MAF: variants seen among roughly 807,000 people sequenced by gnomAD.
MAF encodes MAF bZIP transcription factor, also known as transcription factor Maf.
MAF carries 10 observed loss-of-function variants against 22.0 expected under a neutral mutation model. The ratio of observed to expected loss-of-function variants is 0.45; its 90% CI spans 0.28 to 0.77. MAF has a LOEUF of 0.77. Among genes scored for constraint, MAF ranks in the 30% least tolerant of loss-of-function variants. The pLI, the probability that MAF is intolerant of heterozygous loss-of-function variation, is 0.12. For missense variants in MAF, 544 were observed against 548.4 expected (o/e 0.99, Z 0.08); for synonymous variants, 337 against 255.8 (o/e 1.32, Z -3.03).
At chr16:79,558,034 A>T in the MAF span, among the ~76,000 whole-genome samples, 1 of 151,840 alleles carries the variant, frequency 6.6e-6, no homozygotes, top group South Asian at 2.1e-4. Context: ...TCTCTCATGC[A>T]CCTTCACATT....
At chr16:79,531,604 G>C in the MAF span, among the ~76,000 whole-genome samples, 1 of 152,100 alleles carries the variant, frequency 6.6e-6, no homozygotes, top group African/African-American at 2.4e-5. Context: ...ATTCTCATAA[G>C]GAGGGCACAA....
the MAF span, among the ~76,000 whole-genome samples, chr16:79,488,511 G>T: frequency 6.6e-6 from 1 of 152,142 alleles, no homozygotes; most frequent in Non-Finnish European, 1.5e-5. Flanking sequence ...CCAACACCCA[G>T]GTTTACTCTG....
chr16:79,535,282 C>T, the MAF span, among the ~76,000 whole-genome samples: 2 of 151,954 alleles, frequency 1.3e-5, no homozygotes, highest in East Asian at 2.0e-4. Context: ...GATGGCGCCT[C>T]GGTTTTCTGA....
At chr16:79,335,100 G>T in the MAF span, among the ~76,000 whole-genome samples, 1 of 150,922 alleles carries the variant, frequency 6.6e-6, no homozygotes, top group Admixed American at 6.6e-5. Context: ...CAGGAGAATT[G>T]CTTGAAACTG....
the MAF span, among the ~76,000 whole-genome samples, chr16:79,549,037 C>G: frequency 6.6e-6 from 1 of 152,270 alleles, no homozygotes; most frequent in East Asian, 1.9e-4. Flanking sequence ...AAACACTGTT[C>G]CAGCCTGGTT....
chr16:79,514,116 A>C, the MAF span, among the ~76,000 whole-genome samples: 3 of 152,252 alleles, frequency 2.0e-5, no homozygotes, highest in African/African-American at 4.8e-5. Flanking sequence ...GATAAATCAC[A>C]GTCAAGCTTT....
the MAF span, among the ~76,000 whole-genome samples, chr16:79,295,222 G>A: frequency 6.6e-6 from 1 of 152,174 alleles, no homozygotes; most frequent in Non-Finnish European, 1.5e-5. Flanking sequence ...CTTTGGAGCT[G>A]TTTACACACC....
the MAF span, among the ~76,000 whole-genome samples, chr16:79,574,783 T>G: frequency 6.6e-6 from 1 of 152,152 alleles, no homozygotes; most frequent in Non-Finnish European, 1.5e-5. Context: ...TTATAAAGAA[T>G]AGCATTGATG....
the MAF span, among the ~76,000 whole-genome samples, chr16:79,309,925 T>C: frequency 1.3e-5 from 2 of 152,242 alleles, no homozygotes; most frequent in East Asian, 3.9e-4. Context: ...ACTTAGAAAA[T>C]TGACTAATGC....
the MAF span, among the ~76,000 whole-genome samples, chr16:79,350,902 T>TGCGC: frequency 1.4e-5 from 2 of 147,844 alleles, no homozygotes; most frequent in African/African-American, 2.6e-5. Context: ...TGTGTGTGTG[T>TGCGC]GCGTGTGAAT....
At chr16:79,447,053 G>C in the MAF span, among the ~76,000 whole-genome samples, 44 of 144,310 alleles carry the variant, frequency 3.0e-4, no homozygotes, top group South Asian at 0.011. Context: ...GATGTATGCA[G>C]TGTTATCACT....
At chr16:79,500,818 C>G in the MAF span, among the ~76,000 whole-genome samples, 1 of 152,170 alleles carries the variant, frequency 6.6e-6, no homozygotes, top group Non-Finnish European at 1.5e-5. Flanking sequence ...GTCTGCCTCT[C>G]ACTTACTGGA....
the MAF span, among the ~76,000 whole-genome samples, chr16:79,368,032 G>A: frequency 6.6e-5 from 10 of 152,148 alleles, no homozygotes; most frequent in Admixed American, 1.3e-4. Flanking sequence ...GAAAGATCCT[G>A]GCTGAACAGC....
At chr16:79,403,275 G>C in the MAF span, among the ~76,000 whole-genome samples, 1 of 152,286 alleles carries the variant, frequency 6.6e-6, no homozygotes, top group East Asian at 1.9e-4. Context: ...ATTTTCTGTA[G>C]CTAAAAGAAG....
chr16:79,536,120 T>C, the MAF span, among the ~76,000 whole-genome samples: 2 of 152,208 alleles, frequency 1.3e-5, no homozygotes, highest in Non-Finnish European at 2.9e-5. Flanking sequence ...ATGATCCTAG[T>C]GCTATACTCA....
the MAF span, among the ~76,000 whole-genome samples, chr16:79,289,170 A>C: frequency 2.6e-5 from 4 of 152,134 alleles, no homozygotes; most frequent in East Asian, 7.7e-4. Context: ...GATTGTGGAG[A>C]AACACTGTAG....
chr16:79,551,122 T>C, the MAF span, among the ~76,000 whole-genome samples: 34 of 152,190 alleles, frequency 2.2e-4, no homozygotes, highest in Admixed American at 8.5e-4. Flanking sequence ...CTTGAGGAAC[T>C]ACTGTACCTA....
At chr16:79,411,707 C>T in the MAF span, among the ~76,000 whole-genome samples, 2 of 152,362 alleles carry the variant, frequency 1.3e-5, no homozygotes, top group African/African-American at 4.8e-5. Flanking sequence ...CTCTGTGCAA[C>T]TTTCTAGACA....
the MAF span, among the ~76,000 whole-genome samples, chr16:79,568,121 G>T: frequency 6.6e-6 from 1 of 152,158 alleles, no homozygotes; most frequent in Non-Finnish European, 1.5e-5. Context: ...GGGGGAAGAG[G>T]GAGTCTGTTT....
Sources: allele counts gnomAD v4.1 joint callset (sites outside exome capture counted in the v4.1 genomes callset), GRCh38; gene constraint gnomAD v4.1.1; transcripts MANE v1.5; gene names NCBI Gene and HGNC (gene_info 2026-07-23, HGNC 2026-07-21).